Variants in SBF2 observed in about 807,000 individuals in gnomAD.
The protein encoded by SBF2 is SET binding factor 2.
A neutral mutation model predicts 225.2 loss-of-function variants in SBF2; 112 were observed. That is an observed-to-expected ratio of 0.50 (90% CI 0.43 to 0.58). The LOEUF is 0.58. Among genes scored for constraint, SBF2 ranks in the 20% least tolerant of loss-of-function variants. The pLI, the probability that SBF2 is intolerant of heterozygous loss-of-function variation, is 0.00. For synonymous variants in SBF2, 763 were observed against 773.3 expected, an observed-to-expected ratio of 0.99 and a Z score of 0.22; for missense variants, 1,996 against 2,206.2, an observed-to-expected ratio of 0.90 and a Z score of 1.91.
At chr11:10,117,471 CAA>C (rs1377511617) in intron 2 of SBF2, among the ~76,000 whole-genome samples, 2 of 147,930 alleles carry the variant, frequency 1.4e-5, no homozygotes, top group Non-Finnish European at 3.0e-5. Flanking sequence ...AGATATGTAT[CAA>C]ATCCTGTGTC....
At chr11:10,003,239 T>A (rs1948049186) in intron 6 of SBF2, among the ~76,000 whole-genome samples, 1 of 152,270 alleles carries the variant, frequency 6.6e-6, no homozygotes, top group African/African-American at 2.4e-5. Context: ...GAAATATTTT[T>A]AATCCAGTCT....
chr11:9,985,980 C>T (rs1947182082), intron 13 of SBF2, among the ~76,000 whole-genome samples: 1 of 152,120 alleles, frequency 6.6e-6, no homozygotes, highest in Admixed American at 6.5e-5. Flanking sequence ...ACAGAATACC[C>T]ATTCTATTCA....
rs991506213 is a variant in SBF2, at chr11:9,779,289, C to T, written c.*1129G>A. 2 of 152,578 alleles carry T rather than the reference C, an allele frequency of 1.3e-5. No individual in the cohort carries two copies. The highest frequency in any genetic ancestry group is 4.8e-5 in the African/African-American group (2 of 41,432). 9.5% of individuals were successfully genotyped at this position (152,578 alleles called of 1,614,324 possible). On this transcript the variant is annotated 3_prime_UTR_variant, in exon 40 of 40. Coordinates refer to ENST00000256190, the MANE Select transcript of SBF2 (RefSeq NM_030962.4). ...TTTGAAATATTAGTTTAGTATTTAACATATTAACATTTCAAAACAAATGCA... is the reference window on the plus strand; with the variant it reads ...TTTGAAATATTAGTTTAGTATTTAATATATTAACATTTCAAAACAAATGCA...
intron 1 of SBF2, among the ~76,000 whole-genome samples, chr11:10,248,985 A>T (rs1960070260): frequency 6.6e-6 from 1 of 152,012 alleles, no homozygotes. Context: ...AGTCCCAGCT[A>T]CTCAGGAGGC....
At chr11:10,275,515 A>C (rs1191995470) in intron 1 of SBF2, among the ~76,000 whole-genome samples, 1 of 152,096 alleles carries the variant, frequency 6.6e-6, no homozygotes, top group African/African-American at 2.4e-5. Context: ...TCGTGTTCTT[A>C]GTTTCTACAG....
chr11:10,189,989 TA>T (rs1279681228), intron 2 of SBF2, among the ~76,000 whole-genome samples: 1 of 152,008 alleles, frequency 6.6e-6, no homozygotes, highest in Non-Finnish European at 1.5e-5. Flanking sequence ...CTGTCTCTAC[TA>T]AAAATACAAA....
intron 23 of SBF2, 148 bp downstream of exon 23, chr11:9,846,808 T>C (rs1045215972): frequency 6.9e-6 from 6 of 863,918 alleles, no homozygotes; most frequent in Admixed American, 1.9e-5. Flanking sequence ...ATGAGTTTAC[T>C]CAGCTGATGA....
At chr11:10,017,726 G>A (rs1948706201) in intron 6 of SBF2, among the ~76,000 whole-genome samples, 1 of 152,068 alleles carries the variant, frequency 6.6e-6, no homozygotes, top group Non-Finnish European at 1.5e-5. Context: ...CCCTGAGTAT[G>A]ACATGAATTA....
chr11:10,275,690 C>CA (rs1962903805), intron 1 of SBF2, among the ~76,000 whole-genome samples: 2 of 146,210 alleles, frequency 1.4e-5, no homozygotes, highest in Admixed American at 6.8e-5. Flanking sequence ...TAAAACAAAA[C>CA]AAAAAAACCA....
chr11:9,803,255 T>C (rs1011264752), intron 32 of SBF2, among the ~76,000 whole-genome samples: 2 of 152,226 alleles, frequency 1.3e-5, no homozygotes, highest in African/African-American at 2.4e-5. Context: ...ATTCAGCTGA[T>C]TAGTAAATAA....
chr11:10,135,127 G>A (rs1441564437), intron 2 of SBF2, among the ~76,000 whole-genome samples: 1 of 152,238 alleles, frequency 6.6e-6, no homozygotes, highest in Non-Finnish European at 1.5e-5. Context: ...CCGCGTTGAA[G>A]TTGCCAAGGC....
intron 16 of SBF2, among the ~76,000 whole-genome samples, chr11:9,911,263 G>T (rs1433170062): frequency 6.6e-6 from 1 of 151,764 alleles, no homozygotes; most frequent in Non-Finnish European, 1.5e-5. Flanking sequence ...AGCTACTCAG[G>T]AGGCTGAGGC....
chr11:9,928,250 C>T (rs1864206979), intron 16 of SBF2, among the ~76,000 whole-genome samples: 1 of 152,068 alleles, frequency 6.6e-6, no homozygotes, highest in African/African-American at 2.4e-5. Context: ...TTTTTCCAAA[C>T]TCGGTAATAA....
chr11:9,944,192 G>A (rs780982912), intron 16 of SBF2, among the ~76,000 whole-genome samples: 20 of 152,110 alleles, frequency 1.3e-4, no homozygotes, highest in Non-Finnish European at 2.6e-4. Flanking sequence ...ATCCTTATTG[G>A]GTAAAACTGT....
rs139778297 is a variant in SBF2 at position 10,121,609 on chromosome 11, A to T, written c.141+72293T>A. ...TAGCAGCTGATCCCCTATTTCACCT[A>T]AGACTGACAATTTTTAGAAACAAAA... On this transcript the variant is annotated intron_variant, in intron 2 of 39. Transcript: ENST00000256190. Among the ~76,000 whole-genome samples, 88 of 152,306 alleles carry T rather than the reference A, an allele frequency of 5.8e-4. 1 individual carries two copies. In the East Asian group the frequency reaches 0.014, roughly 25 times the overall value.
chr11:10,155,949 G>C (rs1955454995), intron 2 of SBF2, among the ~76,000 whole-genome samples: 4 of 152,234 alleles, frequency 2.6e-5, no homozygotes, highest in Admixed American at 2.6e-4. Flanking sequence ...GGCTGGGGCT[G>C]TGCATTCCAC....
intron 32 of SBF2, among the ~76,000 whole-genome samples, chr11:9,797,926 T>C (rs917591200): frequency 9.9e-5 from 15 of 152,224 alleles, no homozygotes; most frequent in Admixed American, 6.5e-4. Flanking sequence ...GGAGCCACAA[T>C]TGTGCCACTG....
rs181379915 is a variant in SBF2 at position 9,971,056 on chromosome 11, A to G, written c.1396-2511T>C. Among the ~76,000 whole-genome samples, 65 of 152,262 alleles carry G rather than the reference A, an allele frequency of 4.3e-4. 1 individual carries two copies. Among genetic ancestry groups the G allele is most frequent in the Admixed American group, 4.3e-3 (65 of 15,294 alleles). ...TATACTGTCTTCCCAAAAATAATAAATATCAATTCTCTAAAACATATTGGG... is the reference window on the plus strand; with the variant it reads ...TATACTGTCTTCCCAAAAATAATAAGTATCAATTCTCTAAAACATATTGGG... On this transcript the variant is annotated intron_variant, in intron 13 of 39. Coordinates refer to ENST00000256190, the MANE Select transcript of SBF2 (RefSeq NM_030962.4).
chr11:9,906,379 A>G (rs1862118535), intron 16 of SBF2, among the ~76,000 whole-genome samples: 1 of 152,178 alleles, frequency 6.6e-6, no homozygotes, highest in Admixed American at 6.5e-5. Flanking sequence ...ATAATTTTCC[A>G]CAAATTAAAA....
Sources: allele counts gnomAD v4.1 joint callset (sites outside exome capture counted in the v4.1 genomes callset), GRCh38; gene constraint gnomAD v4.1.1; transcripts MANE v1.5; gene names NCBI Gene and HGNC (gene_info 2026-07-23, HGNC 2026-07-21).